Variants in ZNF143 observed in about 807,000 individuals in gnomAD.
The protein encoded by ZNF143 is zinc finger protein 143, also known as SPH-binding factor.
In ZNF143, 49 loss-of-function variants were observed where a neutral mutation model predicts 74.1. The ratio of observed to expected loss-of-function variants is 0.66; its 90% confidence interval spans 0.53 to 0.84. The LOEUF is 0.84. Among genes scored for constraint, ZNF143 ranks in the 40% least tolerant of loss-of-function variants. The probability of loss-of-function intolerance (pLI) is 0.00; values close to 1 mark genes in which losing one functional copy is unlikely to be tolerated. For missense variants in ZNF143, 637 were observed against 793.4 expected (o/e 0.80, Z 2.37); for synonymous variants, 304 against 282.8 (o/e 1.07, Z -0.75).
At chr11:9,482,992 T>G (rs1391042608) in intron 7 of ZNF143, among the ~76,000 whole-genome samples, 2 of 151,280 alleles carry the variant, frequency 1.3e-5, no homozygotes. Context: ...ATTTTATTAT[T>G]ATATTTATTT....
chr11:9,472,294 C>G (rs1460295455), intron 2 of ZNF143, among the ~76,000 whole-genome samples: 1 of 152,088 alleles, frequency 6.6e-6, no homozygotes, highest in African/African-American at 2.4e-5. Context: ...GCTCTGTCGC[C>G]CAGGCTGGAG....
Position 9,508,550 on chromosome 11 carries a change from G to A in ZNF143, c.1148-69G>A. The A allele has an allele frequency of 4.9e-6, 7 of 1,432,470 alleles. No individual in the cohort carries two copies. In the South Asian group the frequency reaches 7.2e-5, roughly 15 times the overall value. The allele number at this position is 1,432,470 out of a possible 1,614,324, so 88.7% of individuals were successfully genotyped here. A position where few individuals can be genotyped will look rare whatever the true frequency, so the allele number is the denominator to read the frequency against. On this transcript the variant is annotated intron_variant, in intron 11 of 15. Transcript: ENST00000396602. The stretch of plus-strand genomic sequence containing the variant: ...ATTTTTAGAGGTATTTTACCCCCTG[G>A]GGGGGAAGTATGGAATGATTTTGCC...
intron 11 of ZNF143, among the ~76,000 whole-genome samples, chr11:9,505,633 C>G (rs1484619236): frequency 1.3e-5 from 2 of 152,084 alleles, no homozygotes; most frequent in African/African-American, 4.8e-5. Flanking sequence ...GTAATCCCAG[C>G]ACTTGGGGAA....
rs538667247 is a variant in ZNF143, at chr11:9,487,503, G to A, written c.646-7143G>A. ...ATCCTGAGTAGCTGGGACTACAGGCGCCCACCACCACACCTGGCTAATTTT... is the reference window on the plus strand; with the variant it reads ...ATCCTGAGTAGCTGGGACTACAGGCACCCACCACCACACCTGGCTAATTTT... On this transcript the variant is annotated intron_variant, in intron 7 of 15. Transcript: ENST00000396602. 6.6e-4 allele frequency among the ~76,000 whole-genome samples: 99 copies of A among 151,032 alleles called. 2 individuals are homozygous for A. The highest frequency in any genetic ancestry group is 2.3e-3 in the African/African-American group (94 of 40,636).
rs1235250257 is a variant in ZNF143, at chr11:9,482,334, G to C, written c.645+2788G>C. Reference sequence around the variant, plus strand: ...CGCCCAGGCTGGAGTGCAGTGGCTCGATCTCGGCTCACTGTAAGCTCCGTC... The same window carrying C: ...CGCCCAGGCTGGAGTGCAGTGGCTCCATCTCGGCTCACTGTAAGCTCCGTC... On this transcript the variant is annotated intron_variant, in intron 7 of 15. Transcript: ENST00000396602. 1.4e-5 allele frequency among the ~76,000 whole-genome samples: 2 copies of C among 145,926 alleles called. 1 individual carries two copies.
intron 6 of ZNF143, among the ~76,000 whole-genome samples, chr11:9,479,026 G>A (rs974059380): frequency 2.0e-5 from 3 of 152,078 alleles, no homozygotes; most frequent in Non-Finnish European, 4.4e-5. Flanking sequence ...TAAGAAGTAG[G>A]AACTATAGAT....
chr11:9,492,105 ATTTTT>A (rs34432476), intron 7 of ZNF143, among the ~76,000 whole-genome samples: 1 of 100,240 alleles, frequency 1.0e-5, no homozygotes, highest in Non-Finnish European at 1.9e-5. Flanking sequence ...CACCTGGCTA[ATTTTT>A]TTTTTTTTTT....
intron 7 of ZNF143, among the ~76,000 whole-genome samples, chr11:9,487,028 G>A (rs529457315): frequency 6.5e-4 from 91 of 140,208 alleles, no homozygotes; most frequent in Non-Finnish European, 1.2e-3. Flanking sequence ...GTGCAATGGC[G>A]TGATCTTGGC....
chr11:9,481,995 G>A (rs1416755897), intron 7 of ZNF143, among the ~76,000 whole-genome samples: 2 of 145,718 alleles, frequency 1.4e-5, no homozygotes, highest in African/African-American at 2.5e-5. Flanking sequence ...TTTTGAGGTG[G>A]AGTCTCACTC....
Position 9,479,557 on chromosome 11 carries a change from C to G in ZNF143, c.645+11C>G, listed in dbSNP as rs769344523. Reference sequence around the variant, plus strand: ...GAGAAAAAAATGCAGGTATGTAAAGCTACTTTTTAATATAAAAATCTAGCT... The same window carrying G: ...GAGAAAAAAATGCAGGTATGTAAAGGTACTTTTTAATATAAAAATCTAGCT... On this transcript the variant is annotated intron_variant, in intron 7 of 15. Coordinates refer to ENST00000396602, the MANE Select transcript of ZNF143 (RefSeq NM_003442.6). 19 of 1,607,132 alleles carry G rather than the reference C, an allele frequency of 1.2e-5. No homozygotes were observed. Among genetic ancestry groups the G allele is most frequent in the Non-Finnish European group, 1.6e-5 (19 of 1,176,412 alleles).
chr11:9,516,974 G>A (rs1226059433), intron 14 of ZNF143, among the ~76,000 whole-genome samples: 6 of 152,158 alleles, frequency 3.9e-5, no homozygotes, highest in South Asian at 4.1e-4. Flanking sequence ...GGAGTGCAGC[G>A]GCACGTCATG....
chr11:9,495,924 A>G (rs1847942058), intron 8 of ZNF143, among the ~76,000 whole-genome samples: 1 of 152,088 alleles, frequency 6.6e-6, no homozygotes, highest in Non-Finnish European at 1.5e-5. Context: ...GCAGTGGTGG[A>G]TCCTTGCCTC....
intron 1 of ZNF143, 48 bp from the exon 2 acceptor site, chr11:9,471,254 T>C: frequency 6.9e-7 from 1 of 1,444,604 alleles, no homozygotes; most frequent in Admixed American, 2.1e-5. Flanking sequence ...TAACTTTCAT[T>C]TCACATGTAT....
At chr11:9,509,420 A>G (rs1848465771) in intron 12 of ZNF143, among the ~76,000 whole-genome samples, 1 of 152,206 alleles carries the variant, frequency 6.6e-6, no homozygotes, top group Admixed American at 6.5e-5. Flanking sequence ...AGACAAAATT[A>G]TTTGTTTCAG....
At chr11:9,519,101 C>G (rs1178751060) in intron 14 of ZNF143, among the ~76,000 whole-genome samples, 2 of 152,114 alleles carry the variant, frequency 1.3e-5, no homozygotes, top group African/African-American at 4.8e-5. Context: ...TAACTAACAT[C>G]CTAAACAAAA....
In ZNF143 at chr11:9,470,301, GTC is replaced by G. The variant is rs371122172; in HGVS notation, c.-7-997_-7-996del. Among the ~76,000 whole-genome samples the G allele has an allele frequency of 3.2e-4, 49 of 152,292 alleles. No individual in the cohort carries two copies. In the East Asian group the frequency reaches 6.9e-3, roughly 22 times the overall value. Reference sequence around the variant, plus strand: ...GTCAGCAGTGAGCAAACAAACAGAAGTCTCTGTCCATTCTCATGGAAGGGGAA... The same window carrying G: ...GTCAGCAGTGAGCAAACAAACAGAAGTCTGTCCATTCTCATGGAAGGGGAA... On this transcript the variant is annotated intron_variant, in intron 1 of 15. Coordinates refer to ENST00000396602, the MANE Select transcript of ZNF143 (RefSeq NM_003442.6).
At position 9,525,369 on chromosome 11, in the gene ZNF143, A is replaced by G. The variant is rs759634355; in HGVS notation, c.1816A>G (p.Thr606Ala). Residue 606 changes from threonine (T) to alanine (A), a missense_variant, in exon 15 of 16, where the codon ACC becomes GCC. By Grantham distance (58) the Thr-to-Ala change is moderately conservative (BLOSUM62 0). This residue lies in a region of ZNF143 where 344 missense variants were observed against 485.6 expected (regional missense o/e 0.71). Transcript: ENST00000396602. ...GACCTTAGTAGCAACATCCAATGGCACCCAGATTGCAGTTCAGGTGAGTAC... is the reference window on the plus strand; with the variant it reads ...GACCTTAGTAGCAACATCCAATGGCGCCCAGATTGCAGTTCAGGTGAGTAC... ...PLTLVATSNG[T>A]QIAVQLGEQP... 8 of 1,614,146 alleles carry G rather than the reference A, an allele frequency of 5.0e-6. No individual in the cohort carries two copies. The highest frequency in any genetic ancestry group is 6.8e-6 in the Non-Finnish European group (8 of 1,180,004).
At chr11:9,521,311 T>C (rs1848919247) in intron 14 of ZNF143, among the ~76,000 whole-genome samples, 1 of 152,246 alleles carries the variant, frequency 6.6e-6, no homozygotes. Context: ...TTTGCTAATA[T>C]CTTGTTAAGG....
chr11:9,512,390 C>A, intron 12 of ZNF143, 58 bp from the exon 13 acceptor site: 1 of 1,565,236 alleles, frequency 6.4e-7, no homozygotes. Flanking sequence ...TTAAAATGTC[C>A]TATTTTCTAA....
Sources: gnomAD v4.1 joint callset for allele counts (sites outside exome capture counted in the v4.1 genomes callset) on GRCh38, gnomAD v4.1.1 for gene constraint, gnomAD v4.1.1 regional missense constraint, MANE v1.5 for transcripts, NCBI Gene and HGNC (gene_info 2026-07-23, HGNC 2026-07-21) for gene names.